The following TMEM131 variants were observed in gnomAD, a reference collection of about 807,000 sequenced individuals.
TMEM131 encodes the protein 2610524E03Rik.
TMEM131 carries 66 observed loss-of-function variants against 211.6 expected under a neutral mutation model. The ratio of observed to expected loss-of-function variants is 0.31; its 90% CI spans 0.26 to 0.38. The LOEUF is 0.38. Among genes scored for constraint, TMEM131 ranks in the 10% least tolerant of loss-of-function variants. The pLI is 1.00. For synonymous variants in TMEM131, 844 were observed against 841.3 expected (o/e 1.00, Z -0.06); for missense variants, 2,036 against 2,299.3 (o/e 0.89, Z 2.34).
At chr2:97,925,882 G>A (rs949809947) in intron 2 of TMEM131, among the ~76,000 whole-genome samples, 7 of 152,080 alleles carry the variant, frequency 4.6e-5, no homozygotes, top group South Asian at 2.1e-4. Flanking sequence ...AGGCCGAGGC[G>A]GGCGGATCAT....
intron 38 of TMEM131, chr2:97,760,197 G>T: frequency 3.6e-6 from 1 of 279,454 alleles, no homozygotes; most frequent in Non-Finnish European, 6.8e-6. Flanking sequence ...TCAAGAAAGA[G>T]GCGTGGCCAG....
chr2:97,983,136 C>CTCT (rs1443769825), intron 1 of TMEM131, among the ~76,000 whole-genome samples: 2 of 152,020 alleles, frequency 1.3e-5, no homozygotes, highest in African/African-American at 4.8e-5. Context: ...CTTTTCTTCT[C>CTCT]TCTTCTTCTT....
At chr2:97,993,902 G>A (rs914242415) in intron 1 of TMEM131, among the ~76,000 whole-genome samples, 3 of 152,200 alleles carry the variant, frequency 2.0e-5, no homozygotes, top group Non-Finnish European at 4.4e-5. Flanking sequence ...AGCAGCAGTA[G>A]AAGGAAAATA....
At chr2:97,947,265 A>G (rs1264903636) in intron 1 of TMEM131, among the ~76,000 whole-genome samples, 1 of 152,080 alleles carries the variant, frequency 6.6e-6, no homozygotes, top group East Asian at 1.9e-4. Flanking sequence ...AAGTATGTAG[A>G]CTGGAAAAGA....
intron 11 of TMEM131, among the ~76,000 whole-genome samples, chr2:97,832,105 T>G (rs1241607125): frequency 6.7e-6 from 1 of 149,534 alleles, no homozygotes; most frequent in Non-Finnish European, 1.5e-5. Flanking sequence ...ATTTATTACA[T>G]AGCAGTACTA....
At chr2:97,777,023 A>T (rs561366144) in intron 31 of TMEM131, among the ~76,000 whole-genome samples, 3 of 152,250 alleles carry the variant, frequency 2.0e-5, no homozygotes, top group Non-Finnish European at 4.4e-5. Context: ...GGATGCTATC[A>T]AGACAAATGA....
chr2:97,898,132 T>C (rs1329590826), intron 3 of TMEM131, among the ~76,000 whole-genome samples: 1 of 152,124 alleles, frequency 6.6e-6, no homozygotes, highest in Admixed American at 6.6e-5. Context: ...TAGTTTACAT[T>C]GATTTTTTTT....
At chr2:97,811,039 T>C in intron 18 of TMEM131, 89 bp downstream of exon 18, 1 of 942,940 alleles carries the variant, frequency 1.1e-6, no homozygotes, top group Non-Finnish European at 1.7e-6. Context: ...TAACTCTGAG[T>C]AAACTTAATT....
chr2:97,774,525 G>A (rs1679622717), intron 32 of TMEM131, among the ~76,000 whole-genome samples: 1 of 152,222 alleles, frequency 6.6e-6, no homozygotes, highest in South Asian at 2.1e-4. Context: ...CAGACAAGGA[G>A]GCCTCATGAA....
At chr2:97,906,692 C>T (rs1219524365) in intron 3 of TMEM131, among the ~76,000 whole-genome samples, 8 of 152,126 alleles carry the variant, frequency 5.3e-5, no homozygotes, top group Non-Finnish European at 7.4e-5. Flanking sequence ...CAGCTGAGGT[C>T]CCAGCTAGAA....
intron 3 of TMEM131, among the ~76,000 whole-genome samples, chr2:97,893,557 T>A (rs1675473984): frequency 6.6e-6 from 1 of 152,202 alleles, no homozygotes; most frequent in African/African-American, 2.4e-5. Context: ...GCATCTGTCA[T>A]TTCCTGACTT....
intron 4 of TMEM131, among the ~76,000 whole-genome samples, chr2:97,868,790 G>A (rs899531236): frequency 5.9e-5 from 9 of 152,284 alleles, no homozygotes; most frequent in Admixed American, 3.3e-4. Context: ...TTAGACAGTA[G>A]AACTCCTCAA....
At chr2:97,919,249 G>T (rs557514780) in intron 2 of TMEM131, among the ~76,000 whole-genome samples, 11 of 152,142 alleles carry the variant, frequency 7.2e-5, no homozygotes, top group Admixed American at 2.0e-4. Context: ...CATTTTTAAT[G>T]TTCTTTATTC....
intron 1 of TMEM131, among the ~76,000 whole-genome samples, chr2:97,977,842 C>A (rs368735985): frequency 6.6e-6 from 1 of 152,056 alleles, no homozygotes; most frequent in Non-Finnish European, 1.5e-5. Flanking sequence ...AATCCCAGCA[C>A]TTTGGGAGGC....
At chr2:97,975,455 G>A (rs1438327343) in intron 1 of TMEM131, among the ~76,000 whole-genome samples, 1 of 152,078 alleles carries the variant, frequency 6.6e-6, no homozygotes, top group Non-Finnish European at 1.5e-5. Context: ...CATTACAGTT[G>A]CTACAAATAT....
intron 11 of TMEM131, among the ~76,000 whole-genome samples, chr2:97,825,680 A>C (rs1372578485): frequency 6.6e-6 from 1 of 152,188 alleles, no homozygotes; most frequent in African/African-American, 2.4e-5. Flanking sequence ...CGTCAGAGAG[A>C]GAGCAGGGAT....
intron 9 of TMEM131, 37 bp downstream of exon 9, chr2:97,834,738 A>T (rs764552901): frequency 6.7e-5 from 108 of 1,608,116 alleles, no homozygotes; most frequent in Non-Finnish European, 8.5e-5. Context: ...TATACTGAAA[A>T]CAAAACAACT....
At chr2:97,869,729 T>C (rs1188076609) in intron 4 of TMEM131, among the ~76,000 whole-genome samples, 1 of 152,168 alleles carries the variant, frequency 6.6e-6, no homozygotes, top group Non-Finnish European at 1.5e-5. Flanking sequence ...CTCCGTTCCT[T>C]TGGTGACATG....
chr2:97,954,365 T>C (rs1340141399), intron 1 of TMEM131, among the ~76,000 whole-genome samples: 2 of 152,202 alleles, frequency 1.3e-5, no homozygotes, highest in Non-Finnish European at 1.5e-5. Context: ...ACTAAGGGCA[T>C]AGAATGAATA....
Sources: gnomAD v4.1 joint callset for allele counts (sites outside exome capture counted in the v4.1 genomes callset) on GRCh38, gnomAD v4.1.1 for gene constraint, MANE v1.5 for transcripts, NCBI Gene and HGNC (gene_info 2026-07-23, HGNC 2026-07-21) for gene names.